ARHGAP44: variants seen among roughly 807,000 people sequenced by gnomAD.
ARHGAP44 encodes Rho GTPase activating protein 44.
In ARHGAP44, 43 loss-of-function variants were observed where a neutral mutation model predicts 106.8. That is an observed-to-expected ratio of 0.40 (90% confidence interval 0.32 to 0.52). The LOEUF (loss-of-function observed/expected upper bound fraction) is 0.52, where lower values mean the gene tolerates loss of function less well. Ranked by LOEUF, ARHGAP44 falls within the 20% of genes least tolerant of loss-of-function variation. The pLI, the probability that ARHGAP44 is intolerant of heterozygous loss-of-function variation, is 0.48. For missense variants in ARHGAP44, 866 were observed against 1,050.5 expected, an observed-to-expected ratio of 0.82 and a Z score of 2.43; for synonymous variants, 439 against 410.3, an observed-to-expected ratio of 1.07 and a Z score of -0.85.
intron 1 of ARHGAP44, among the ~76,000 whole-genome samples, chr17:12,858,130 A>G (rs928026789): frequency 1.3e-5 from 2 of 152,188 alleles, no homozygotes; most frequent in South Asian, 2.1e-4. Flanking sequence ...GCCTTTGGCT[A>G]CGTATTAGTC....
intron 16 of ARHGAP44, chr17:12,972,951 G>A (rs28840121): frequency 0.065 from 12,665 of 194,982 alleles, 669 homozygotes; most frequent in African/African-American, 0.14. Context: ...GTGAGCCATG[G>A]CGCCTGGTCA....
At chr17:12,898,889 A>G (rs2037292742) in intron 3 of ARHGAP44, among the ~76,000 whole-genome samples, 2 of 152,212 alleles carry the variant, frequency 1.3e-5, no homozygotes, top group Non-Finnish European at 2.9e-5. Context: ...ATAAACGTGT[A>G]AACTGGGAGA....
chr17:12,796,337 C>A (rs78593131), intron 1 of ARHGAP44, among the ~76,000 whole-genome samples: 2,392 of 152,234 alleles, frequency 0.016, 64 homozygotes, highest in African/African-American at 0.052. Context: ...TTTTGCTACT[C>A]ACTTAGCAAA....
chr17:12,840,865 A>T (rs1052610778), intron 1 of ARHGAP44, among the ~76,000 whole-genome samples: 32 of 152,078 alleles, frequency 2.1e-4, no homozygotes, highest in African/African-American at 6.8e-4. Context: ...CCCACTGATG[A>T]CCGCGATGTG....
chr17:12,794,855 A>G (rs1313034868), intron 1 of ARHGAP44, among the ~76,000 whole-genome samples: 1 of 152,170 alleles, frequency 6.6e-6, no homozygotes, highest in Non-Finnish European at 1.5e-5. Flanking sequence ...AGCAGCCTCT[A>G]GGAGCACTGG....
At position 12,919,733 on chromosome 17, in the gene ARHGAP44, C is replaced by G. The variant is rs1567687180; in HGVS notation, c.388-22C>G. On this transcript the variant is annotated intron_variant, in intron 5 of 20. Coordinates refer to ENST00000379672, the MANE Select transcript of ARHGAP44 (RefSeq NM_014859.6). Reference sequence around the variant, plus strand: ...ATCTTGAGCTTCAGTTTAATTGTATCTTTTATGTTGTGTAACCACAGGTGG... The same window carrying G: ...ATCTTGAGCTTCAGTTTAATTGTATGTTTTATGTTGTGTAACCACAGGTGG... The G allele has an allele frequency of 2.5e-6, 4 of 1,598,220 alleles. No homozygotes were observed. In the South Asian group the frequency reaches 4.5e-5, roughly 18 times the overall value.
chr17:12,908,055 G>T (rs2037611083), intron 3 of ARHGAP44, among the ~76,000 whole-genome samples: 1 of 152,008 alleles, frequency 6.6e-6, no homozygotes, highest in South Asian at 2.1e-4. Context: ...GACTAATGAG[G>T]TTAATTATCT....
chr17:12,973,992 C>T, intron 17 of ARHGAP44, 97 bp from the exon 18 acceptor site: 9 of 1,298,108 alleles, frequency 6.9e-6, no homozygotes, highest in Non-Finnish European at 9.8e-6. Flanking sequence ...CTGCGCTGCT[C>T]TTCTCCCAAC....
chr17:12,872,592 T>C (rs1306580969), intron 1 of ARHGAP44, among the ~76,000 whole-genome samples: 1 of 152,232 alleles, frequency 6.6e-6, no homozygotes, highest in Non-Finnish European at 1.5e-5. Context: ...TATGCTAGCA[T>C]CGATATTGCT....
chr17:12,962,739 A>G (rs1018313409), intron 16 of ARHGAP44, among the ~76,000 whole-genome samples: 1 of 152,160 alleles, frequency 6.6e-6, no homozygotes, highest in Non-Finnish European at 1.5e-5. Flanking sequence ...TACTGATTCT[A>G]ATTTATTTAG....
intron 6 of ARHGAP44, among the ~76,000 whole-genome samples, chr17:12,928,187 A>G (rs2038300641): frequency 6.6e-6 from 1 of 152,222 alleles, no homozygotes; most frequent in Non-Finnish European, 1.5e-5. Flanking sequence ...AAATGTTGCC[A>G]TAAAAATTGT....
chr17:12,866,000 C>T (rs1291079296), intron 1 of ARHGAP44, among the ~76,000 whole-genome samples: 1 of 151,788 alleles, frequency 6.6e-6, no homozygotes, highest in African/African-American at 2.4e-5. Flanking sequence ...AAGTGAAAAC[C>T]CTAATAATAG....
chr17:12,957,825 C>T (rs1567708784), intron 15 of ARHGAP44, among the ~76,000 whole-genome samples: 1 of 152,166 alleles, frequency 6.6e-6, no homozygotes, highest in Non-Finnish European at 1.5e-5. Context: ...TTTTGCTGTG[C>T]TGCAACAGCT....
intron 1 of ARHGAP44, among the ~76,000 whole-genome samples, chr17:12,806,142 A>G (rs2034266962): frequency 6.6e-6 from 1 of 152,170 alleles, no homozygotes; most frequent in Admixed American, 6.5e-5. Flanking sequence ...GGTGGTTAGA[A>G]AGCAATTATA....
chr17:12,818,787 A>T (rs1293958910), intron 1 of ARHGAP44, among the ~76,000 whole-genome samples: 3 of 152,212 alleles, frequency 2.0e-5, no homozygotes, highest in East Asian at 1.9e-4. Context: ...AAGACTTTTA[A>T]GTGCAGACAT....
At chr17:12,943,549 C>A in intron 8 of ARHGAP44, 39 bp from the exon 9 acceptor site, 1 of 1,599,320 alleles carries the variant, frequency 6.3e-7, no homozygotes, top group Non-Finnish European at 8.6e-7. Flanking sequence ...TGTGTCCTTG[C>A]CCCTCACTAA....
intron 20 of ARHGAP44, 110 bp downstream of exon 20, chr17:12,985,018 GA>G: frequency 7.2e-7 from 1 of 1,394,162 alleles, no homozygotes; most frequent in African/African-American, 1.4e-5. Context: ...CGTGCTTTGG[GA>G]TGACTGGGCT....
chr17:12,945,413 C>A (rs1405828625), intron 10 of ARHGAP44, among the ~76,000 whole-genome samples: 1 of 152,180 alleles, frequency 6.6e-6, no homozygotes, highest in African/African-American at 2.4e-5. Flanking sequence ...TATCTTTACT[C>A]CGTCTTCCTT....
At position 12,849,594 on chromosome 17, in the gene ARHGAP44, T is replaced by TTTTTTTTTTTTTTTG. The variant is rs11373135; in HGVS notation, c.54-45346_54-45345insTTTTTTTTTTTTTTG. 3.6e-5 allele frequency among the ~76,000 whole-genome samples: 4 copies of TTTTTTTTTTTTTTTG among 112,456 alleles called. 1 individual carries two copies. The highest frequency in any genetic ancestry group is 1.8e-4 in the African/African-American group (4 of 22,812). The allele number at this position is 112,456 out of a possible 152,430, so 73.8% of individuals were successfully genotyped here. ...TTTTTTTTTTTTTTTTTTTTTTTTT[T>TTTTTTTTTTTTTTTG]GCTTGGCTTCAGCGTTTTCACCTTG... On this transcript the variant is annotated intron_variant, in intron 1 of 20. Transcript: ENST00000379672.
Sources: gnomAD v4.1 joint callset for allele counts (sites outside exome capture counted in the v4.1 genomes callset) on GRCh38, gnomAD v4.1.1 for gene constraint, MANE v1.5 for transcripts, NCBI Gene and HGNC (gene_info 2026-07-23, HGNC 2026-07-21) for gene names.